IGF2BP2: variants seen among roughly 807,000 people sequenced by gnomAD.
IGF2BP2 encodes the protein insulin like growth factor 2 mRNA binding protein 2.
A neutral mutation model predicts 75.8 loss-of-function variants in IGF2BP2; 17 were observed. That is an observed-to-expected ratio of 0.22 (90% CI 0.15 to 0.34). The LOEUF (loss-of-function observed/expected upper bound fraction) is 0.34, where lower values mean the gene tolerates loss of function less well. Ranked by LOEUF, IGF2BP2 falls within the 10% of genes least tolerant of loss-of-function variation. The probability of loss-of-function intolerance (pLI) is 1.00; values close to 1 mark genes in which losing one functional copy is unlikely to be tolerated. For synonymous variants in IGF2BP2, 288 were observed against 295.6 expected (o/e 0.97, Z 0.26); for missense variants, 516 against 772.4 (o/e 0.67, Z 3.93).
intron 10 of IGF2BP2, among the ~76,000 whole-genome samples, chr3:185,661,743 T>C (rs1195736457): frequency 6.6e-6 from 1 of 151,658 alleles, no homozygotes; most frequent in African/African-American, 2.4e-5. Context: ...ATGGTCACTG[T>C]CAGCATGGAG....
chr3:185,705,858 CAAGGCCCCTAA>C (rs1723953475), intron 2 of IGF2BP2, among the ~76,000 whole-genome samples: 1 of 152,182 alleles, frequency 6.6e-6, no homozygotes. Flanking sequence ...ATCAACTCTC[CAAGGCCCCTAA>C]ATATCACCAC....
chr3:185,764,828 T>C (rs533669663), intron 2 of IGF2BP2, among the ~76,000 whole-genome samples: 2 of 152,306 alleles, frequency 1.3e-5, no homozygotes, highest in Admixed American at 1.3e-4. Context: ...ACAGGCTTTA[T>C]TTGTCAAGTC....
chr3:185,689,759 G>C (rs1217561574), intron 5 of IGF2BP2, 132 bp from the exon 6 acceptor site: 2 of 957,720 alleles, frequency 2.1e-6, no homozygotes, highest in African/African-American at 3.3e-5. Context: ...ACGAGGTCAG[G>C]AGATCGAGAC....
chr3:185,672,508 C>T (rs1301133867), intron 10 of IGF2BP2, 33 bp downstream of exon 10: 5 of 1,564,800 alleles, frequency 3.2e-6, no homozygotes, highest in Non-Finnish European at 4.3e-6. Context: ...GTGCCCAGCG[C>T]ATAAGCAAAC....
chr3:185,727,002 G>A (rs182411694), intron 2 of IGF2BP2, among the ~76,000 whole-genome samples: 9 of 152,072 alleles, frequency 5.9e-5, no homozygotes, highest in South Asian at 2.1e-4. Flanking sequence ...GTGGATCACC[G>A]GAGGTCAGGA....
intron 7 of IGF2BP2, among the ~76,000 whole-genome samples, chr3:185,683,573 T>C (rs1170363495): frequency 6.6e-6 from 1 of 152,030 alleles, no homozygotes; most frequent in Admixed American, 6.6e-5. Context: ...AACACCTGGC[T>C]AATTTCTGTA....
chr3:185,645,303 G>A lies in IGF2BP2; in HGVS notation c.*228C>T, dbSNP rs574130338. 5.4e-4 allele frequency: 297 copies of A among 552,806 alleles called. No individual in the cohort carries two copies. Among genetic ancestry groups the A allele is most frequent in the Non-Finnish European group, 7.4e-4 (229 of 309,502 alleles). The allele number at this position is 552,806 out of a possible 1,614,324, so 34.2% of individuals were successfully genotyped here. A position where few individuals can be genotyped will look rare whatever the true frequency, so the allele number is the denominator to read the frequency against. Reference sequence around the variant, plus strand: ...GAAGCCTGCAGAAGCCCTGGGGGGCGGGAGGCGGGGCTCGGTGGTTCTGGC... The same window carrying A: ...GAAGCCTGCAGAAGCCCTGGGGGGCAGGAGGCGGGGCTCGGTGGTTCTGGC... On this transcript the variant is annotated 3_prime_UTR_variant, in exon 16 of 16. Coordinates refer to ENST00000382199, the MANE Select transcript of IGF2BP2 (RefSeq NM_006548.6). The surrounding 1 kb of genome is among the most constrained non-coding windows in gnomAD (Gnocchi z 4.9).
At chr3:185,771,785 G>T (rs540652142) in intron 2 of IGF2BP2, among the ~76,000 whole-genome samples, 1 of 152,076 alleles carries the variant, frequency 6.6e-6, no homozygotes, top group Admixed American at 6.5e-5. Flanking sequence ...GAGCTTACTT[G>T]CATTGCAACA....
Position 185,657,315 on chromosome 3 carries a change from G to C in IGF2BP2, c.1357C>G (p.Leu453Val). The change falls in exon 12 of 16, where the codon CTG (leucine) becomes GTG (valine). Residue 453 changes from leucine to valine, a missense_variant. Physicochemically the swap from Leu to Val is conservative, Grantham distance 32. This residue lies in a region of IGF2BP2 where 129 missense variants were observed against 230.5 expected (regional missense o/e 0.56). Transcript: ENST00000382199. ...IGKKGAHIKQLARFAGASIKI... is the reference protein window; with the variant it reads ...IGKKGAHIKQVARFAGASIKI... ...ATAGAGGCTCCGGCGAATCTCGCCAGCTGTTTGATGTGTGCCCCCTTCTTC... is the reference window on the plus strand; with the variant it reads ...ATAGAGGCTCCGGCGAATCTCGCCACCTGTTTGATGTGTGCCCCCTTCTTC... The C allele has an allele frequency of 6.2e-7, 1 of 1,613,920 alleles. No individual in the cohort carries two copies. The highest frequency in any genetic ancestry group is 8.5e-7 in the Non-Finnish European group (1 of 1,179,894).
intron 5 of IGF2BP2, 45 bp downstream of exon 5, chr3:185,692,654 T>C: frequency 6.8e-7 from 1 of 1,474,464 alleles, no homozygotes; most frequent in Non-Finnish European, 9.4e-7. Flanking sequence ...AATTCAAATA[T>C]AAAAACAAAT....
At chr3:185,773,064 T>G (rs1734093109) in intron 2 of IGF2BP2, among the ~76,000 whole-genome samples, 1 of 152,106 alleles carries the variant, frequency 6.6e-6, no homozygotes, top group South Asian at 2.1e-4. Context: ...AGGGTACCAA[T>G]TAGGTTCCCA....
chr3:185,710,504 G>A (rs909990859), intron 2 of IGF2BP2, among the ~76,000 whole-genome samples: 9 of 152,184 alleles, frequency 5.9e-5, no homozygotes, highest in East Asian at 1.9e-4. Flanking sequence ...AGGCCGAGGC[G>A]GGCGGATCAC....
At chr3:185,753,029 C>T (rs534690526) in intron 2 of IGF2BP2, among the ~76,000 whole-genome samples, 1 of 152,184 alleles carries the variant, frequency 6.6e-6, no homozygotes, top group Non-Finnish European at 1.5e-5. Flanking sequence ...CTAAGCCTTA[C>T]AAGATACATT....
intron 7 of IGF2BP2, among the ~76,000 whole-genome samples, chr3:185,678,133 C>T (rs2149258281): frequency 6.6e-6 from 1 of 152,274 alleles, no homozygotes; most frequent in African/African-American, 2.4e-5. Flanking sequence ...GACAAATCCA[C>T]AGAAAACCAC....
chr3:185,710,688 G>A (rs529150359), intron 2 of IGF2BP2, among the ~76,000 whole-genome samples: 94 of 152,004 alleles, frequency 6.2e-4, no homozygotes, highest in African/African-American at 2.2e-3. Context: ...AGCCAAGATC[G>A]CGCCACTCCA....
intron 2 of IGF2BP2, among the ~76,000 whole-genome samples, chr3:185,812,921 A>C (rs1740101937): frequency 6.6e-6 from 1 of 152,246 alleles, no homozygotes; most frequent in Non-Finnish European, 1.5e-5. Context: ...CCGTGACCAC[A>C]ATCGATACTT....
At chr3:185,777,366 T>G (rs1368241924) in intron 2 of IGF2BP2, among the ~76,000 whole-genome samples, 1 of 152,096 alleles carries the variant, frequency 6.6e-6, no homozygotes, top group Admixed American at 6.5e-5. Context: ...TAGCTAAGCA[T>G]GGTGGCTCAT....
intron 2 of IGF2BP2, chr3:185,820,876 A>C: frequency 1.4e-6 from 1 of 725,414 alleles, no homozygotes; most frequent in Non-Finnish European, 2.1e-6. Flanking sequence ...TTCAACTAAC[A>C]CAAAAACCAC....
At chr3:185,666,746 T>C (rs1397795802) in intron 10 of IGF2BP2, among the ~76,000 whole-genome samples, 1 of 151,972 alleles carries the variant, frequency 6.6e-6, no homozygotes, top group Non-Finnish European at 1.5e-5. Context: ...TCAATACACA[T>C]AAAAAGAAAA....
Sources: gnomAD v4.1 joint callset for allele counts (sites outside exome capture counted in the v4.1 genomes callset) on GRCh38, gnomAD v4.1.1 for gene constraint, gnomAD v4.1.1 regional missense constraint, Gnocchi (gnomAD v3.1) non-coding constraint, MANE v1.5 for transcripts, NCBI Gene and HGNC (gene_info 2026-07-23, HGNC 2026-07-21) for gene names.